NME7: variants seen among roughly 807,000 people sequenced by gnomAD.
NME7 encodes nucleoside diphosphate kinase 7.
A neutral mutation model predicts 49.1 loss-of-function variants in NME7; 41 were observed. The observed-to-expected ratio is 0.83, with a 90% CI of 0.65 to 1.08. The LOEUF is 1.08. Among genes scored for constraint, NME7 ranks in the 50% least tolerant of loss-of-function variants. NME7 has a pLI of 0.00. For synonymous variants in NME7, 139 were observed against 150.6 expected (o/e 0.92, Z 0.56); for missense variants, 423 against 463.4 (o/e 0.91, Z 0.80).
intron 6 of NME7, among the ~76,000 whole-genome samples, chr1:169,295,922 C>T (rs1168962198): frequency 2.0e-5 from 3 of 152,218 alleles, no homozygotes; most frequent in East Asian, 1.9e-4. Context: ...TTCTCCCTTC[C>T]CATCTGTTGC....
At chr1:169,273,501 C>T (rs182455059) in intron 7 of NME7, among the ~76,000 whole-genome samples, 5,414 of 126,480 alleles carry the variant, frequency 0.043, 823 homozygotes, top group African/African-American at 0.13. Flanking sequence ...AGGGTACATG[C>T]GCACAATGTG....
chr1:169,198,905 G>T (rs971777557), intron 10 of NME7, among the ~76,000 whole-genome samples: 3 of 152,014 alleles, frequency 2.0e-5, no homozygotes, highest in African/African-American at 4.8e-5. Context: ...TTTACACAAA[G>T]ATTTTCTTAT....
intron 11 of NME7, among the ~76,000 whole-genome samples, chr1:169,162,451 A>C (rs1165822620): frequency 6.6e-6 from 1 of 151,998 alleles, no homozygotes; most frequent in Admixed American, 6.6e-5. Flanking sequence ...AATATTTGCT[A>C]TACATAACTG....
chr1:169,362,137 G>C (rs564433543), intron 1 of NME7, among the ~76,000 whole-genome samples: 13 of 151,972 alleles, frequency 8.6e-5, no homozygotes, highest in Admixed American at 4.6e-4. Flanking sequence ...GAACCCAGGA[G>C]GCAGAGGTTG....
intron 7 of NME7, among the ~76,000 whole-genome samples, chr1:169,254,537 G>A (rs1648821697): frequency 6.6e-6 from 1 of 151,312 alleles, no homozygotes; most frequent in South Asian, 2.1e-4. Context: ...TTAATTTTTT[G>A]AAGGGTTTTT....
intron 1 of NME7, among the ~76,000 whole-genome samples, chr1:169,350,028 TAAA>T (rs1227984148): frequency 6.6e-6 from 1 of 151,788 alleles, no homozygotes; most frequent in African/African-American, 2.4e-5. Context: ...CTGCCTCTAC[TAAA>T]ACTACAAAAA....
chr1:169,225,750 G>A (rs1001298698), intron 10 of NME7, among the ~76,000 whole-genome samples: 1 of 151,916 alleles, frequency 6.6e-6, no homozygotes, highest in Non-Finnish European at 1.5e-5. Context: ...TAGAGAGACC[G>A]AAAAAAATTT....
chr1:169,237,585 A>G (rs1647909181), intron 8 of NME7, 38 bp downstream of exon 8: 2 of 1,497,008 alleles, frequency 1.3e-6, no homozygotes, highest in African/African-American at 1.4e-5. Flanking sequence ...TTTGAAAAAA[A>G]TCCTCACAAA....
chr1:169,183,472 G>C (rs1659979438), intron 10 of NME7, among the ~76,000 whole-genome samples: 1 of 152,166 alleles, frequency 6.6e-6, no homozygotes, highest in South Asian at 2.1e-4. Flanking sequence ...CACTATAGTT[G>C]CAAGTCAAGT....
intron 3 of NME7, among the ~76,000 whole-genome samples, chr1:169,320,560 C>G (rs958974736): frequency 6.6e-6 from 1 of 152,112 alleles, no homozygotes; most frequent in Non-Finnish European, 1.5e-5. Context: ...TTCTGTGGAA[C>G]GCTGATAGAC....
intron 10 of NME7, among the ~76,000 whole-genome samples, chr1:169,228,854 A>G (rs1308054492): frequency 6.6e-6 from 1 of 151,974 alleles, no homozygotes; most frequent in Non-Finnish European, 1.5e-5. Context: ...ATCATTACCA[A>G]TTTCTCTCAA....
chr1:169,250,655 G>A (rs1393253645), intron 7 of NME7, among the ~76,000 whole-genome samples: 1 of 151,986 alleles, frequency 6.6e-6, no homozygotes, highest in African/African-American at 2.4e-5. Context: ...ATATTCCAGA[G>A]ATTTTGATAA....
At chr1:169,149,244 G>A (rs1658842170) in intron 11 of NME7, among the ~76,000 whole-genome samples, 4 of 152,124 alleles carry the variant, frequency 2.6e-5, no homozygotes, top group Non-Finnish European at 2.9e-5. Flanking sequence ...GGGAGGCCAA[G>A]GCAGGAGATT....
In NME7 at chr1:169,241,352, C is replaced by T. The variant is rs573321871; in HGVS notation, c.755-3665G>A. 5.1e-4 allele frequency among the ~76,000 whole-genome samples: 78 copies of T among 152,034 alleles called. 1 individual carries two copies. In the South Asian group the frequency reaches 0.015, roughly 30 times the overall value. ...GCAGTGGCAGTTTTGTTCACCATCG[C>T]TTTTGCACCATCAGTGCAAATGACA... On this transcript the variant is annotated intron_variant, in intron 7 of 11. Coordinates refer to ENST00000367811, the MANE Select transcript of NME7 (RefSeq NM_013330.5).
chr1:169,134,114 G>A (rs958682042), intron 11 of NME7, among the ~76,000 whole-genome samples: 1 of 152,122 alleles, frequency 6.6e-6, no homozygotes, highest in Non-Finnish European at 1.5e-5. Context: ...TCACCACTAG[G>A]AGACTGGGGA....
At chr1:169,274,947 T>C (rs1282928004) in intron 7 of NME7, among the ~76,000 whole-genome samples, 2 of 133,218 alleles carry the variant, frequency 1.5e-5, no homozygotes, top group South Asian at 2.3e-4. Context: ...GTTGGCGATG[T>C]GGGCTCTTTT....
rs1432022041 is a variant in NME7 at position 169,132,632 on chromosome 1, CAT to C, written c.*151_*152del. On this transcript the variant is annotated 3_prime_UTR_variant, in exon 12 of 12. Coordinates refer to ENST00000367811, the MANE Select transcript of NME7 (RefSeq NM_013330.5). ...CTACAGTGCAAAATCCATGTTCTAA[CAT>C]ATGTAATAATTGCCAGGAGTACAGT... 8 of 640,046 alleles carry C rather than the reference CAT, an allele frequency of 1.2e-5. No homozygotes were observed. Among genetic ancestry groups the C allele is most frequent in the East Asian group, 5.8e-5 (2 of 34,586 alleles). The allele number at this position is 640,046 out of a possible 1,614,324, so 39.6% of individuals were successfully genotyped here. A position where few individuals can be genotyped will look rare whatever the true frequency, so the allele number is the denominator to read the frequency against.
chr1:169,164,822 G>C (rs1172644431), intron 11 of NME7, among the ~76,000 whole-genome samples: 2 of 152,056 alleles, frequency 1.3e-5, no homozygotes, highest in Admixed American at 1.3e-4. Context: ...TAGAATTCTG[G>C]GACAAAAGTT....
At chr1:169,259,548 A>G (rs1197047186) in intron 7 of NME7, among the ~76,000 whole-genome samples, 1 of 133,452 alleles carries the variant, frequency 7.5e-6, no homozygotes, top group Non-Finnish European at 1.8e-5. Flanking sequence ...TAAAATAGAC[A>G]TTTGTCTGTA....
Sources: gnomAD v4.1 joint callset for allele counts (sites outside exome capture counted in the v4.1 genomes callset) on GRCh38, gnomAD v4.1.1 for gene constraint, MANE v1.5 for transcripts, NCBI Gene and HGNC (gene_info 2026-07-23, HGNC 2026-07-21) for gene names.